The following PIK3C2G variants were observed in gnomAD, a reference collection of about 807,000 sequenced individuals.
PIK3C2G encodes the protein phosphatidylinositol 3-kinase C2 domain-containing subunit gamma.
A neutral mutation model predicts 181.1 loss-of-function variants in PIK3C2G; 168 were observed. That is an observed-to-expected ratio of 0.93 (90% CI 0.82 to 1.05). PIK3C2G has a LOEUF of 1.05. Among genes scored for constraint, PIK3C2G ranks in the 50% least tolerant of loss-of-function variants. The pLI is 0.00. For missense variants in PIK3C2G, 1,869 were observed against 1,732.8 expected (o/e 1.08, Z -1.40); for synonymous variants, 573 against 592.2 (o/e 0.97, Z 0.47).
intron 24 of PIK3C2G, among the ~76,000 whole-genome samples, chr12:18,535,310 G>A (rs902296029): frequency 6.6e-6 from 1 of 151,960 alleles, no homozygotes; most frequent in African/African-American, 2.4e-5. Flanking sequence ...ATATAGAAAA[G>A]ATACAGAATT....
chr12:18,280,747 G>A (rs1162054922), intron 1 of PIK3C2G, among the ~76,000 whole-genome samples: 3 of 152,004 alleles, frequency 2.0e-5, no homozygotes, highest in African/African-American at 7.2e-5. Context: ...TTGGATTACT[G>A]TATAAGGCAC....
chr12:18,509,181 A>G (rs1197222698), intron 24 of PIK3C2G, among the ~76,000 whole-genome samples: 2 of 152,034 alleles, frequency 1.3e-5, no homozygotes, highest in African/African-American at 4.8e-5. Flanking sequence ...CCTCCTGAGT[A>G]GCTGTAATTA....
intron 16 of PIK3C2G, among the ~76,000 whole-genome samples, chr12:18,413,884 C>T (rs1945015965): frequency 6.6e-6 from 1 of 152,130 alleles, no homozygotes; most frequent in Non-Finnish European, 1.5e-5. Context: ...ACACCAAAGT[C>T]AGAGAAATAA....
intron 24 of PIK3C2G, among the ~76,000 whole-genome samples, chr12:18,520,973 G>GT (rs1471414097): frequency 4.6e-5 from 7 of 151,910 alleles, no homozygotes; most frequent in South Asian, 2.1e-4. Context: ...CTGTTTGTTT[G>GT]TTTTTTTTCT....
intron 24 of PIK3C2G, among the ~76,000 whole-genome samples, chr12:18,515,542 G>A (rs1483752398): frequency 6.6e-6 from 1 of 151,834 alleles, no homozygotes; most frequent in East Asian, 1.9e-4. Context: ...CTGAGCCTTT[G>A]TATTTCTATC....
chr12:18,661,697 G>A, the PIK3C2G span, among the ~76,000 whole-genome samples: 1 of 152,056 alleles, frequency 6.6e-6, no homozygotes, highest in Non-Finnish European at 1.5e-5. Flanking sequence ...ACTGCTGGTG[G>A]GAAAGAAATT....
At chr12:18,711,639 A>T in the PIK3C2G span, among the ~76,000 whole-genome samples, 2 of 151,892 alleles carry the variant, frequency 1.3e-5, no homozygotes, top group African/African-American at 4.8e-5. Flanking sequence ...TTGGCAAAAA[A>T]GGTCTTGGCT....
At chr12:18,707,222 T>TA in the PIK3C2G span, among the ~76,000 whole-genome samples, 1 of 152,204 alleles carries the variant, frequency 6.6e-6, no homozygotes, top group Non-Finnish European at 1.5e-5. Context: ...TTCCAGGAAT[T>TA]AAAACTTAAT....
At chr12:18,255,252 T>TAAACAAACAAACAAAC (rs764503759) in intron 1 of PIK3C2G, among the ~76,000 whole-genome samples, 1 of 143,648 alleles carries the variant, frequency 7.0e-6, no homozygotes. Flanking sequence ...AATAAATAAA[T>TAAACAAACAAACAAAC]AAACAAACAA....
At chr12:18,654,085 T>C in the PIK3C2G span, among the ~76,000 whole-genome samples, 1 of 151,906 alleles carries the variant, frequency 6.6e-6, no homozygotes, top group Non-Finnish European at 1.5e-5. Context: ...AACTGAGTAG[T>C]AATGAGAAAG....
At chr12:18,325,177 T>C (rs910928534) in intron 8 of PIK3C2G, 79 bp downstream of exon 8, 8 of 754,742 alleles carry the variant, frequency 1.1e-5, no homozygotes, top group African/African-American at 5.3e-5. Flanking sequence ...ACTTTGCAAA[T>C]TTTGAAGATG....
At chr12:18,534,699 AAG>A (rs869302809) in intron 24 of PIK3C2G, among the ~76,000 whole-genome samples, 440 of 8,856 alleles carry the variant, frequency 0.05, no homozygotes, top group Non-Finnish European at 0.058. Flanking sequence ...ATTAAAAAAA[AAG>A]AAAGGCTTCT....
intron 14 of PIK3C2G, among the ~76,000 whole-genome samples, chr12:18,384,594 TAGA>T (rs371147324): frequency 1.6e-4 from 25 of 152,306 alleles, no homozygotes; most frequent in African/African-American, 5.5e-4. Context: ...GTGATGGTGG[TAGA>T]AGAAGGAGAA....
At position 18,341,488 on chromosome 12, in the gene PIK3C2G, T is replaced by G. The variant is rs147712415; in HGVS notation, c.1396-1839T>G. Among the ~76,000 whole-genome samples the G allele has an allele frequency of 3.3e-5, 5 of 150,510 alleles. No individual in the cohort carries two copies. In the East Asian group the frequency reaches 9.7e-4, roughly 29 times the overall value. On this transcript the variant is annotated intron_variant, in intron 9 of 32. Coordinates refer to ENST00000538779, the MANE Select transcript of PIK3C2G (RefSeq NM_001288772.2). Reference sequence around the variant, plus strand: ...CATGCATAGAAATTAAAAAAGGAGTTGAAAATAAGGAGTTTATTTAATATA... The same window carrying G: ...CATGCATAGAAATTAAAAAAGGAGTGGAAAATAAGGAGTTTATTTAATATA...
chr12:18,356,344 C>G (rs1256447934), intron 11 of PIK3C2G, among the ~76,000 whole-genome samples: 5 of 152,160 alleles, frequency 3.3e-5, no homozygotes, highest in Admixed American at 6.5e-5. Context: ...TAGCTCTCAG[C>G]CCCTCACAGG....
rs188063559 is a variant in PIK3C2G at position 18,326,015 on chromosome 12, A to T, written c.1272+917A>T. Among the ~76,000 whole-genome samples, 437 of 152,182 alleles carry T rather than the reference A, an allele frequency of 2.9e-3. 5 individuals carry two copies. The highest frequency in any genetic ancestry group is 1.5e-3 in the Non-Finnish European group (105 of 68,002). On this transcript the variant is annotated intron_variant, in intron 8 of 32. Coordinates refer to ENST00000538779, the MANE Select transcript of PIK3C2G (RefSeq NM_001288772.2). ...AGAGATGATGAGGGCATGGACAAACACTCTACTATAGGGATGATATGAGGG... is the reference window on the plus strand; with the variant it reads ...AGAGATGATGAGGGCATGGACAAACTCTCTACTATAGGGATGATATGAGGG...
chr12:18,287,076 A>G (rs1405042750), intron 3 of PIK3C2G, 147 bp downstream of exon 3: 1 of 415,966 alleles, frequency 2.4e-6, no homozygotes, highest in Non-Finnish European at 4.4e-6. Flanking sequence ...TTTTTGACAA[A>G]TTAGTTCAAT....
chr12:18,705,331 T>C, the PIK3C2G span: 1 of 1,613,822 alleles, frequency 6.2e-7, no homozygotes, highest in Admixed American at 1.7e-5. Flanking sequence ...AAAGTAACCA[T>C]TACTATGGTT....
chr12:18,264,872 T>C (rs1948413625), intron 1 of PIK3C2G, among the ~76,000 whole-genome samples: 1 of 152,150 alleles, frequency 6.6e-6, no homozygotes, highest in Non-Finnish European at 1.5e-5. Flanking sequence ...GAGATCAGCA[T>C]CACCACTCTT....
Sources: gnomAD v4.1 joint callset for allele counts (sites outside exome capture counted in the v4.1 genomes callset) on GRCh38, gnomAD v4.1.1 for gene constraint, MANE v1.5 for transcripts, NCBI Gene and HGNC (gene_info 2026-07-23, HGNC 2026-07-21) for gene names.